Variants in DCC observed in about 807,000 individuals in gnomAD.
The protein encoded by DCC is DCC netrin 1 receptor.
In DCC, 58 loss-of-function variants were observed where a neutral mutation model predicts 172.5. The observed-to-expected ratio is 0.34, with a 90% CI of 0.27 to 0.42. The LOEUF (loss-of-function observed/expected upper bound fraction) is 0.42. Ranked by LOEUF, DCC falls within the 10% of genes least tolerant of loss-of-function variation. The probability of loss-of-function intolerance (pLI) is 1.00; values close to 1 mark genes in which losing one functional copy is unlikely to be tolerated. For missense variants in DCC, 1,740 were observed against 1,791.0 expected (o/e 0.97, Z 0.51); for synonymous variants, 709 against 644.5 (o/e 1.10, Z -1.52).
intron 1 of DCC, among the ~76,000 whole-genome samples, chr18:52,638,341 T>A (rs1054318480): frequency 3.3e-5 from 5 of 152,080 alleles, no homozygotes; most frequent in Non-Finnish European, 5.9e-5. Flanking sequence ...ACCTCACATT[T>A]CAATAGTAAC....
intron 19 of DCC, among the ~76,000 whole-genome samples, chr18:53,406,880 G>A (rs562333474): frequency 6.6e-6 from 1 of 152,100 alleles, no homozygotes; most frequent in Non-Finnish European, 1.5e-5. Context: ...GAAGTTGCTT[G>A]TTTTCTCTGA....
intron 21 of DCC, among the ~76,000 whole-genome samples, chr18:53,420,952 A>G (rs902579714): frequency 1.3e-5 from 2 of 152,176 alleles, no homozygotes; most frequent in Non-Finnish European, 2.9e-5. Flanking sequence ...TCTGGTTCCT[A>G]GAGTGTGCAG....
chr18:52,744,216 A>C (rs2036871636), intron 1 of DCC, among the ~76,000 whole-genome samples: 2 of 152,144 alleles, frequency 1.3e-5, no homozygotes, highest in African/African-American at 2.4e-5. Flanking sequence ...ATTTATACTA[A>C]ATTTGTTTTT....
At chr18:52,679,299 C>T (rs917029178) in intron 1 of DCC, among the ~76,000 whole-genome samples, 3 of 151,760 alleles carry the variant, frequency 2.0e-5, no homozygotes, top group Non-Finnish European at 4.4e-5. Flanking sequence ...AGTATGCTCC[C>T]CACCAAGCAC....
At chr18:52,349,644 A>C (rs1198737126) in intron 1 of DCC, among the ~76,000 whole-genome samples, 1 of 152,146 alleles carries the variant, frequency 6.6e-6, no homozygotes, top group Middle Eastern at 3.2e-3. Context: ...GTCCTGTTCT[A>C]AATGTTCTTT....
At chr18:52,803,146 A>G (rs991916627) in intron 2 of DCC, among the ~76,000 whole-genome samples, 2 of 152,176 alleles carry the variant, frequency 1.3e-5, no homozygotes, top group African/African-American at 4.8e-5. Flanking sequence ...TCTTGGGAAC[A>G]CTTTGAACAT....
At chr18:53,350,657 T>C (rs1171556217) in intron 15 of DCC, among the ~76,000 whole-genome samples, 2 of 152,044 alleles carry the variant, frequency 1.3e-5, no homozygotes, top group Non-Finnish European at 2.9e-5. Flanking sequence ...AAAGATGCTT[T>C]TAGTCCCTGT....
intron 7 of DCC, among the ~76,000 whole-genome samples, chr18:53,073,386 G>A (rs191692052): frequency 3.6e-4 from 54 of 152,100 alleles, no homozygotes; most frequent in African/African-American, 1.2e-3. Flanking sequence ...TTAGCCGGGC[G>A]TGGTGGCGGG....
At position 53,535,520 on chromosome 18, in the gene DCC, TAA is replaced by T. The variant is rs1218727855; in HGVS notation, c.*4868_*4869del. The T allele has an allele frequency of 6.6e-6, 1 of 152,256 alleles. No individual in the cohort carries two copies. Among genetic ancestry groups the T allele is most frequent in the East Asian group, 1.9e-4 (1 of 5,206 alleles). 9.4% of individuals were successfully genotyped at this position (152,256 alleles called of 1,614,324 possible). ...AAACAGATTGTTAGTGTGCTAGTGA[TAA>T]GTTTATTTGGTAGAAATGGGTATAC... is the stretch of plus-strand genomic sequence containing the variant. On this transcript the variant is annotated 3_prime_UTR_variant, in exon 29 of 29. Transcript: ENST00000442544.
chr18:52,638,096 CT>C (rs1456507991), intron 1 of DCC, among the ~76,000 whole-genome samples: 1 of 152,092 alleles, frequency 6.6e-6, no homozygotes, highest in Non-Finnish European at 1.5e-5. Context: ...AAGATACAGT[CT>C]TTTTCAGACA....
At chr18:53,089,991 T>G (rs1447604866) in intron 7 of DCC, among the ~76,000 whole-genome samples, 2 of 152,230 alleles carry the variant, frequency 1.3e-5, no homozygotes, top group African/African-American at 4.8e-5. Context: ...ATTTAAGCTT[T>G]GAGAATCTTT....
chr18:53,428,457 T>TA (rs1911250962), intron 21 of DCC, among the ~76,000 whole-genome samples: 1 of 46,040 alleles, frequency 2.2e-5, no homozygotes, highest in African/African-American at 9.9e-5. Context: ...TATTATTTTA[T>TA]ATATATTATA....
intron 1 of DCC, among the ~76,000 whole-genome samples, chr18:52,427,202 C>T (rs1465886781): frequency 1.3e-5 from 2 of 151,990 alleles, no homozygotes; most frequent in East Asian, 3.9e-4. Flanking sequence ...AAACTGAAGT[C>T]CAAAGAGCTG....
chr18:53,358,641 C>T (rs910193112), intron 15 of DCC, among the ~76,000 whole-genome samples: 8 of 150,536 alleles, frequency 5.3e-5, no homozygotes, highest in African/African-American at 1.5e-4. Context: ...CTGCCTCAGC[C>T]TCCCAAGTAG....
At chr18:52,562,075 A>C (rs954603370) in intron 1 of DCC, among the ~76,000 whole-genome samples, 12 of 152,166 alleles carry the variant, frequency 7.9e-5, no homozygotes, top group African/African-American at 2.9e-4. Context: ...ACATCTAGTT[A>C]GGGAAATAAA....
intron 17 of DCC, among the ~76,000 whole-genome samples, chr18:53,395,635 A>G (rs1012295545): frequency 2.0e-5 from 3 of 152,056 alleles, no homozygotes; most frequent in Non-Finnish European, 2.9e-5. Flanking sequence ...ATATATTTTT[A>G]CAGGTTTTTC....
chr18:52,796,782 T>C (rs1375894966), intron 2 of DCC, among the ~76,000 whole-genome samples: 1 of 152,210 alleles, frequency 6.6e-6, no homozygotes, highest in East Asian at 1.9e-4. Flanking sequence ...GACAATAATG[T>C]GGCTTGGAGA....
At chr18:52,574,623 C>T (rs1321353937) in intron 1 of DCC, among the ~76,000 whole-genome samples, 1 of 152,162 alleles carries the variant, frequency 6.6e-6, no homozygotes, top group African/African-American at 2.4e-5. Flanking sequence ...CTCGCTGAGT[C>T]ATTGCAATCA....
intron 1 of DCC, among the ~76,000 whole-genome samples, chr18:52,734,631 C>A (rs1720971175): frequency 6.6e-6 from 1 of 152,056 alleles, no homozygotes; most frequent in African/African-American, 2.4e-5. Context: ...CTGCAGCTAG[C>A]AATCCAAGCT....
Sources: allele counts gnomAD v4.1 joint callset (sites outside exome capture counted in the v4.1 genomes callset), GRCh38; gene constraint gnomAD v4.1.1; transcripts MANE v1.5; gene names NCBI Gene and HGNC (gene_info 2026-07-23, HGNC 2026-07-21).